Variants in LRMDA observed in about 807,000 individuals in gnomAD.
The protein encoded by LRMDA is leucine-rich melanocyte differentiation-associated protein.
Under a neutral mutation model 29.8 loss-of-function variants are expected in LRMDA, and 18 were observed. That is an observed-to-expected ratio of 0.60 (90% CI 0.42 to 0.90). The LOEUF is 0.90. LRMDA is among the 40% of genes least tolerant of loss of function. The pLI, the probability that LRMDA is intolerant of heterozygous loss-of-function variation, is 0.00. For missense variants in LRMDA, 273 were observed against 273.9 expected, an observed-to-expected ratio of 1.00 and a Z score of 0.02; for synonymous variants, 125 against 109.4, an observed-to-expected ratio of 1.14 and a Z score of -0.89.
intron 2 of LRMDA, among the ~76,000 whole-genome samples, chr10:75,944,566 T>G (rs77869061): frequency 0.019 from 2,825 of 151,772 alleles, 71 homozygotes; most frequent in African/African-American, 0.06. Context: ...TTTAAAATAC[T>G]CTCATAGGTC....
At chr10:75,866,883 A>G (rs1197001119) in intron 2 of LRMDA, among the ~76,000 whole-genome samples, 1 of 152,176 alleles carries the variant, frequency 6.6e-6, no homozygotes, top group Non-Finnish European at 1.5e-5. Context: ...GCTGCCTGGG[A>G]AGATGAATTT....
chr10:76,357,955 A>G (rs955370597), intron 6 of LRMDA, among the ~76,000 whole-genome samples: 1 of 152,200 alleles, frequency 6.6e-6, no homozygotes, highest in Non-Finnish European at 1.5e-5. Flanking sequence ...TGAAAACAGG[A>G]AAGACAAGCA....
chr10:75,957,363 C>A (rs1442948402), intron 2 of LRMDA, among the ~76,000 whole-genome samples: 1 of 152,170 alleles, frequency 6.6e-6, no homozygotes, highest in Non-Finnish European at 1.5e-5. Flanking sequence ...ATGGCCCAGG[C>A]CTATTCTTTG....
chr10:76,303,029 T>C (rs947138918), intron 5 of LRMDA, among the ~76,000 whole-genome samples: 1 of 152,204 alleles, frequency 6.6e-6, no homozygotes, highest in Non-Finnish European at 1.5e-5. Flanking sequence ...AAAGCATTTC[T>C]TCCAGGGACT....
intron 2 of LRMDA, among the ~76,000 whole-genome samples, chr10:75,688,055 A>G (rs1235076444): frequency 1.3e-5 from 2 of 152,220 alleles, no homozygotes; most frequent in African/African-American, 4.8e-5. Flanking sequence ...AACAGTTCCA[A>G]TGGAGATGTA....
chr10:75,441,527 T>C (rs1159451833), intron 2 of LRMDA, among the ~76,000 whole-genome samples: 3 of 152,158 alleles, frequency 2.0e-5, no homozygotes, highest in South Asian at 2.1e-4. Context: ...GATAGCACTG[T>C]TTCTGGAAAT....
intron 2 of LRMDA, among the ~76,000 whole-genome samples, chr10:75,956,090 A>G (rs902375840): frequency 3.9e-5 from 6 of 152,184 alleles, no homozygotes; most frequent in African/African-American, 1.4e-4. Context: ...TAGTCAAGAT[A>G]TATTGTCAGG....
At chr10:75,973,718 C>A (rs57008504) in intron 2 of LRMDA, among the ~76,000 whole-genome samples, 1 of 152,126 alleles carries the variant, frequency 6.6e-6, no homozygotes, top group Non-Finnish European at 1.5e-5. Context: ...TCATGCCTGG[C>A]GGCCCTCATC....
At position 76,431,246 on chromosome 10, in the gene LRMDA, G is replaced by A. The variant is rs376705774; in HGVS notation, c.601+106761G>A. On this transcript the variant is annotated intron_variant, in intron 6 of 6. Coordinates refer to ENST00000611255, the MANE Select transcript of LRMDA (RefSeq NM_001305581.2). ...CTAGGTGCTTGGGGAGTGAATTTACGTGTTTGAGGCGGGCTGATGCAGAGA... is the reference window on the plus strand; with the variant it reads ...CTAGGTGCTTGGGGAGTGAATTTACATGTTTGAGGCGGGCTGATGCAGAGA... Among the ~76,000 whole-genome samples, 3 of 152,112 alleles carry A rather than the reference G, an allele frequency of 2.0e-5. No homozygotes were observed. In the East Asian group the frequency reaches 5.8e-4, roughly 29 times the overall value.
rs1449011225 is a variant in LRMDA at position 76,274,953 on chromosome 10, G to A, written c.517-49448G>A. Among the ~76,000 whole-genome samples, 3 of 152,018 alleles carry A rather than the reference G, an allele frequency of 2.0e-5. No homozygotes were observed. The East Asian group carries it at 5.8e-4, about 29-fold the overall frequency. On this transcript the variant is annotated intron_variant, in intron 5 of 6. Transcript: ENST00000611255. ...ACAATGCTTTCCATAGTTGTTTAGT[G>A]TTGGCTCCATATTTAAGTGAACTCA...
intron 6 of LRMDA, among the ~76,000 whole-genome samples, chr10:76,382,003 A>G (rs1264235203): frequency 6.6e-6 from 1 of 152,238 alleles, no homozygotes; most frequent in Non-Finnish European, 1.5e-5. Flanking sequence ...ATATCTTCTC[A>G]TAGAAACGTT....
chr10:76,519,232 A>T (rs1843095051), intron 6 of LRMDA, among the ~76,000 whole-genome samples: 1 of 152,164 alleles, frequency 6.6e-6, no homozygotes, highest in African/African-American at 2.4e-5. Flanking sequence ...ATAAAAAATA[A>T]TGGAAATTAA....
intron 2 of LRMDA, among the ~76,000 whole-genome samples, chr10:75,824,816 C>G (rs1458453816): frequency 6.6e-6 from 1 of 152,174 alleles, no homozygotes; most frequent in African/African-American, 2.4e-5. Flanking sequence ...GAAAACTTTG[C>G]TACTGATTCA....
chr10:76,218,530 A>C (rs753937440), intron 5 of LRMDA, among the ~76,000 whole-genome samples: 1 of 152,220 alleles, frequency 6.6e-6, no homozygotes, highest in Non-Finnish European at 1.5e-5. Flanking sequence ...TCCCCCAGGC[A>C]TGGAGGGAAA....
At chr10:76,440,264 C>A (rs1388486863) in intron 6 of LRMDA, among the ~76,000 whole-genome samples, 1 of 152,142 alleles carries the variant, frequency 6.6e-6, no homozygotes, top group Non-Finnish European at 1.5e-5. Flanking sequence ...TAATATCAGG[C>A]AATAGTGAAT....
chr10:76,056,294 C>T (rs1208632570), intron 4 of LRMDA, among the ~76,000 whole-genome samples: 1 of 152,160 alleles, frequency 6.6e-6, no homozygotes, highest in Non-Finnish European at 1.5e-5. Context: ...CTGATTGGTC[C>T]ATGGGTGGCC....
chr10:76,274,219 A>G (rs1840101879), intron 5 of LRMDA, among the ~76,000 whole-genome samples: 1 of 152,204 alleles, frequency 6.6e-6, no homozygotes, highest in Non-Finnish European at 1.5e-5. Context: ...CAGGAAGAGA[A>G]GTATACTTGC....
intron 2 of LRMDA, among the ~76,000 whole-genome samples, chr10:75,681,536 G>A (rs1187400953): frequency 6.6e-6 from 1 of 152,192 alleles, no homozygotes; most frequent in African/African-American, 2.4e-5. Flanking sequence ...TGTCCACCAT[G>A]TGTGTTTGTT....
At chr10:76,178,186 C>T (rs978942089) in intron 5 of LRMDA, among the ~76,000 whole-genome samples, 4 of 152,136 alleles carry the variant, frequency 2.6e-5, no homozygotes, top group African/African-American at 9.7e-5. Context: ...GCCCTCAGGG[C>T]CTTGTGTTGA....
Sources: gnomAD v4.1 joint callset for allele counts (sites outside exome capture counted in the v4.1 genomes callset) on GRCh38, gnomAD v4.1.1 for gene constraint, MANE v1.5 for transcripts, NCBI Gene and HGNC (gene_info 2026-07-23, HGNC 2026-07-21) for gene names.